The following PTPA variants were observed in gnomAD, a reference collection of about 807,000 sequenced individuals.
PTPA encodes the protein serine/threonine-protein phosphatase 2A activator.
A neutral mutation model predicts 43.6 loss-of-function variants in PTPA; 13 were observed. That is an observed-to-expected ratio of 0.30 (90% CI 0.19 to 0.47). The LOEUF is 0.47. Ranked by LOEUF, PTPA falls within the 20% of genes least tolerant of loss-of-function variation. The probability of loss-of-function intolerance (pLI) is 0.99; values close to 1 mark genes in which losing one functional copy is unlikely to be tolerated. For synonymous variants in PTPA, 172 were observed against 158.2 expected, an observed-to-expected ratio of 1.09 and a Z score of -0.66; for missense variants, 329 against 411.9, an observed-to-expected ratio of 0.80 and a Z score of 1.74.
chr9:129,146,229 C>G (rs1159332573), intron 9 of PTPA, among the ~76,000 whole-genome samples: 1 of 152,176 alleles, frequency 6.6e-6, no homozygotes, highest in Non-Finnish European at 1.5e-5. Flanking sequence ...CCGCTCCCTG[C>G]TCCCGCATTC....
At chr9:129,113,331 C>T (rs1342717981) in intron 1 of PTPA, among the ~76,000 whole-genome samples, 1 of 150,900 alleles carries the variant, frequency 6.6e-6, no homozygotes, top group Non-Finnish European at 1.5e-5. Context: ...ACCTCGTGAT[C>T]CTCCTGCCTC....
chr9:129,138,028 A>G (rs878933039), intron 8 of PTPA: 11 of 361,738 alleles, frequency 3.0e-5, no homozygotes, highest in South Asian at 2.6e-4. Flanking sequence ...GAGGGTCAGC[A>G]TCTTTCGGTG....
intron 9 of PTPA, among the ~76,000 whole-genome samples, chr9:129,145,401 C>T (rs1031164076): frequency 3.9e-5 from 6 of 152,158 alleles, no homozygotes; most frequent in Admixed American, 3.9e-4. Flanking sequence ...TAGCAACTAG[C>T]CCTTAGTCCT....
At chr9:129,136,351 T>C (rs1345347315) in intron 6 of PTPA, 120 bp from the exon 7 acceptor site, 5 of 1,106,498 alleles carry the variant, frequency 4.5e-6, no homozygotes, top group Non-Finnish European at 6.2e-6. Context: ...TTATTGAAAT[T>C]GAGACCAGTT....
At chr9:129,137,137 T>C (rs964079736) in intron 7 of PTPA, among the ~76,000 whole-genome samples, 2 of 152,210 alleles carry the variant, frequency 1.3e-5, no homozygotes, top group African/African-American at 2.4e-5. Context: ...TCTATTTTGA[T>C]GAAGAATGAA....
chr9:129,110,978 G>A (rs370215645), upstream of PTPA: 12 of 1,371,098 alleles, frequency 8.8e-6, no homozygotes, highest in Non-Finnish European at 1.1e-5. The surrounding 1 kb of genome is among the most constrained non-coding windows in gnomAD (Gnocchi z 5.3). Context: ...GGAAGGAGGA[G>A]GTCACCGTCC....
At chr9:129,128,097 C>A in intron 3 of PTPA, 1 of 1,287,790 alleles carries the variant, frequency 7.8e-7, no homozygotes, top group Non-Finnish European at 1.0e-6. Flanking sequence ...ATTTTTTAGA[C>A]GAAGAAACTG....
intron 9 of PTPA, chr9:129,143,408 A>G (rs1273541341): frequency 1.4e-6 from 1 of 702,946 alleles, no homozygotes; most frequent in Non-Finnish European, 2.6e-6. Flanking sequence ...GGCCTCAGAC[A>G]CTGTACTGTG....
intron 9 of PTPA, 37 bp from the exon 10 acceptor site, chr9:129,147,350 G>A (rs367657918): frequency 6.2e-7 from 1 of 1,600,868 alleles, no homozygotes; most frequent in Non-Finnish European, 8.6e-7. Flanking sequence ...GTGTGGTGTG[G>A]CCCTCACCAC....
Position 129,148,705 on chromosome 9 carries a change from C to T in PTPA, c.*1241C>T, listed in dbSNP as rs1296394318. On this transcript the variant is annotated 3_prime_UTR_variant, in exon 10 of 10. Transcript: ENST00000393370. ...CCTCCTGTGTCTGGGTCCACACACCCTTCAGGAAGGGGGAGCACTGAGAAG... is the reference window on the plus strand; with the variant it reads ...CCTCCTGTGTCTGGGTCCACACACCTTTCAGGAAGGGGGAGCACTGAGAAG... 1 of 152,688 alleles carries T rather than the reference C, an allele frequency of 6.5e-6. No individual in the cohort carries two copies. Among genetic ancestry groups the T allele is most frequent in the African/African-American group, 2.4e-5 (1 of 41,374 alleles). 9.5% of individuals were successfully genotyped at this position (152,688 alleles called of 1,614,324 possible).
rs772483046 is a variant in PTPA at position 129,111,987 on chromosome 9, G to A, written c.31+356G>A. The A allele has an allele frequency of 1.3e-4, 39 of 295,572 alleles. 1 individual carries two copies. Among genetic ancestry groups the A allele is most frequent in the Non-Finnish European group, 1.2e-4 (20 of 165,270 alleles). The allele number at this position is 295,572 out of a possible 1,614,324, so 18.3% of individuals were successfully genotyped here. A position where few individuals can be genotyped will look rare whatever the true frequency, so the allele number is the denominator to read the frequency against. On this transcript the variant is annotated intron_variant, in intron 1 of 9. Transcript: ENST00000393370. ...CTGACTCGGTGGGGAAGCTGCCAGGGAGGGGGGCGAAAGTGATTCCGGAGG... is the reference window on the plus strand; with the variant it reads ...CTGACTCGGTGGGGAAGCTGCCAGGAAGGGGGGCGAAAGTGATTCCGGAGG...
intron 8 of PTPA, 146 bp from the exon 9 acceptor site, chr9:129,142,299 G>T: frequency 1.5e-6 from 1 of 671,860 alleles, no homozygotes; most frequent in Non-Finnish European, 2.4e-6. Flanking sequence ...CTATAGCTTG[G>T]TCCCCAAGTG....
intron 9 of PTPA, chr9:129,142,978 G>C: frequency 7.4e-7 from 1 of 1,343,030 alleles, no homozygotes; most frequent in Non-Finnish European, 9.8e-7. Flanking sequence ...TCAAATGTTA[G>C]TGTGTATGAT....
At chr9:129,112,017 C>T (rs777778641) in intron 1 of PTPA, 2 of 217,790 alleles carry the variant, frequency 9.2e-6, no homozygotes, top group East Asian at 9.5e-5. Context: ...CGGAGGCTGC[C>T]GTCTTTATTA....
At chr9:129,120,179 A>G (rs1849153961) in intron 1 of PTPA, among the ~76,000 whole-genome samples, 1 of 151,524 alleles carries the variant, frequency 6.6e-6, no homozygotes, top group Admixed American at 6.6e-5. Flanking sequence ...AATCGCTTGA[A>G]CCCGGGAGGC....
At chr9:129,116,384 C>CTTTTT (rs142067473) in intron 1 of PTPA, among the ~76,000 whole-genome samples, 9 of 107,702 alleles carry the variant, frequency 8.4e-5, no homozygotes, top group African/African-American at 2.6e-4. Flanking sequence ...GACAGGGTTT[C>CTTTTT]TTTTTTTTTT....
At chr9:129,134,103 C>G (rs1312531922) in intron 5 of PTPA, among the ~76,000 whole-genome samples, 1 of 152,034 alleles carries the variant, frequency 6.6e-6, no homozygotes, top group African/African-American at 2.4e-5. Context: ...TCTGTTGTCC[C>G]TGATAGATCA....
chr9:129,132,015 C>T (rs570830782), intron 5 of PTPA, among the ~76,000 whole-genome samples: 4 of 152,328 alleles, frequency 2.6e-5, no homozygotes, highest in Non-Finnish European at 4.4e-5. Context: ...GAAATGGGAA[C>T]GCTTCTTGGT....
rs572417618 is a variant in PTPA at position 129,129,659 on chromosome 9, C to T, written c.342+549C>T. Among the ~76,000 whole-genome samples the T allele has an allele frequency of 3.6e-4, 54 of 151,990 alleles. 1 individual carries two copies. In the South Asian group the frequency reaches 0.01, roughly 29 times the overall value. The stretch of plus-strand genomic sequence containing the variant: ...TAATTTTTTGTATTTTTCGTAGAGA[C>T]GGGGTTTCACCGTGTTAGCCAGGAT... On this transcript the variant is annotated intron_variant, in intron 4 of 9. Coordinates refer to ENST00000393370, the MANE Select transcript of PTPA (RefSeq NM_178000.3).
Sources: allele counts gnomAD v4.1 joint callset (sites outside exome capture counted in the v4.1 genomes callset), GRCh38; gene constraint gnomAD v4.1.1; non-coding constraint Gnocchi (gnomAD v3.1); transcripts MANE v1.5; gene names NCBI Gene and HGNC (gene_info 2026-07-23, HGNC 2026-07-21).